The following ARNT variants were observed in gnomAD, a reference collection of about 807,000 sequenced individuals.
ARNT encodes the protein aryl hydrocarbon receptor nuclear translocator.
ARNT carries 30 observed loss-of-function variants against 105.0 expected under a neutral mutation model. The observed-to-expected ratio is 0.29, with a 90% confidence interval of 0.21 to 0.39. ARNT has a LOEUF of 0.39. ARNT is among the 10% of genes least tolerant of loss of function. The pLI is 1.00. For missense variants in ARNT, 748 were observed against 978.7 expected (o/e 0.76, Z 3.15); for synonymous variants, 304 against 344.0 (o/e 0.88, Z 1.29).
intron 18 of ARNT, 145 bp downstream of exon 18, chr1:150,816,643 A>G: frequency 9.9e-7 from 1 of 1,009,474 alleles, no homozygotes; most frequent in East Asian, 2.7e-5. Context: ...GAGGAAGAAA[A>G]GCAGCTTGTT....
chr1:150,826,883 G>C (rs1426643351), intron 12 of ARNT, among the ~76,000 whole-genome samples: 2 of 151,988 alleles, frequency 1.3e-5, no homozygotes, highest in African/African-American at 2.4e-5. Flanking sequence ...CTGACCTCAA[G>C]TGATCCACCC....
At chr1:150,820,963 A>T (rs974525020) in intron 14 of ARNT, among the ~76,000 whole-genome samples, 7 of 152,244 alleles carry the variant, frequency 4.6e-5, no homozygotes, top group African/African-American at 1.7e-4. Context: ...CGTTACTACT[A>T]ATAGCCTACT....
intron 21 of ARNT, 102 bp downstream of exon 21, chr1:150,813,070 A>G: frequency 1.5e-6 from 2 of 1,357,176 alleles, no homozygotes; most frequent in Non-Finnish European, 2.0e-6. Context: ...TATACCCCCA[A>G]CCAAACACCT....
At chr1:150,830,081 A>C (rs751597630) in intron 10 of ARNT, 101 bp from the exon 11 acceptor site, 3 of 1,349,080 alleles carry the variant, frequency 2.2e-6, no homozygotes, top group Non-Finnish European at 3.1e-6. Flanking sequence ...TTTATGGGCC[A>C]GGCACCGTGG....
At chr1:150,839,292 A>G in intron 6 of ARNT, 149 bp downstream of exon 6, 3 of 689,444 alleles carry the variant, frequency 4.4e-6, no homozygotes. Flanking sequence ...CATTGTCCCA[A>G]TGCTAATTAA....
chr1:150,809,836 CA>C lies in ARNT; in HGVS notation c.*2184del. The stretch of plus-strand genomic sequence containing the variant: ...CCAAGAACCCAGGCAACGCCCACCC[CA>C]AAACCCCCACCTCATGGTCAGAGCA... On this transcript the variant is annotated 3_prime_UTR_variant, in exon 22 of 22. Coordinates refer to ENST00000358595, the MANE Select transcript of ARNT (RefSeq NM_001668.4). The C allele has an allele frequency of 4.5e-6, 1 of 222,772 alleles. No individual in the cohort carries two copies. The highest frequency in any genetic ancestry group is 9.0e-6 in the Non-Finnish European group (1 of 111,270). 13.8% of individuals were successfully genotyped at this position (222,772 alleles called of 1,614,324 possible).
chr1:150,823,695 C>T (rs1332801533), intron 13 of ARNT, among the ~76,000 whole-genome samples: 2 of 151,914 alleles, frequency 1.3e-5, no homozygotes, highest in Non-Finnish European at 2.9e-5. Flanking sequence ...GGACTACAGG[C>T]GCGTGCCACC....
intron 15 of ARNT, 61 bp from the exon 16 acceptor site, chr1:150,817,494 T>A (rs1215102620): frequency 6.6e-7 from 1 of 1,517,938 alleles, no homozygotes; most frequent in Admixed American, 1.7e-5. Context: ...TAAAAAAGAA[T>A]CTGGAGAAAG....
intron 2 of ARNT, 102 bp downstream of exon 2, chr1:150,858,247 A>C: frequency 1.2e-6 from 1 of 806,744 alleles, no homozygotes; most frequent in Non-Finnish European, 2.0e-6. Context: ...AGTTGAAGTG[A>C]GATGGTCAGG....
chr1:150,836,936 C>T (rs2101915064), intron 6 of ARNT, among the ~76,000 whole-genome samples: 1 of 152,186 alleles, frequency 6.6e-6, no homozygotes, highest in East Asian at 1.9e-4. Flanking sequence ...TGTGGTGGCA[C>T]ACGCCTGTAG....
In ARNT at chr1:150,817,995, T is replaced by C. The variant is rs587701484; in HGVS notation, c.1430A>G (p.Asn477Ser). 2.4e-5 allele frequency: 38 copies of C among 1,612,748 alleles called. No homozygotes were observed. In the South Asian group the frequency reaches 3.8e-4, roughly 16 times the overall value. The change falls in exon 15 of 22, where the codon AAC (asparagine) becomes AGC (serine). Residue 477 changes from asparagine (N) to serine (S), a missense_variant. This residue lies in a region of ARNT where 360 missense variants were observed against 411.9 expected (regional missense o/e 0.87). Coordinates refer to ENST00000358595, the MANE Select transcript of ARNT (RefSeq NM_001668.4). ...ACCTAGTTGTGGCCTCTGGATTGTG[T>C]TGGAGAGTGTAGGCCGTGGTTCTTG... ...SSQEPRPTLS[N>S]TIQRPQLGPT...
chr1:150,852,963 C>T, intron 2 of ARNT, 157 bp from the exon 3 acceptor site: 1 of 923,406 alleles, frequency 1.1e-6, no homozygotes, highest in Non-Finnish European at 1.7e-6. Context: ...TCCTCTTGTT[C>T]ATAGTCCCAA....
chr1:150,864,484 T>C (rs947664886), intron 1 of ARNT, among the ~76,000 whole-genome samples: 2 of 151,536 alleles, frequency 1.3e-5, no homozygotes, highest in Admixed American at 6.6e-5. Context: ...AAATTGGAAA[T>C]CATCATTCTC....
At chr1:150,817,340 A>G in intron 16 of ARNT, 21 bp downstream of exon 16, 1 of 1,612,582 alleles carries the variant, frequency 6.2e-7, no homozygotes, top group Admixed American at 1.7e-5. Flanking sequence ...TACCCTCTTC[A>G]ACGAAGAGGA....
intron 1 of ARNT, among the ~76,000 whole-genome samples, 156 bp downstream of exon 1, chr1:150,876,387 C>T (rs1007736509): frequency 2.6e-5 from 4 of 152,156 alleles, no homozygotes. Context: ...GGATCGGGCC[C>T]CTCCCCAGGT....
chr1:150,846,067 C>T (rs928861042), intron 4 of ARNT, among the ~76,000 whole-genome samples, 196 bp downstream of exon 4: 9 of 152,002 alleles, frequency 5.9e-5, no homozygotes, highest in Non-Finnish European at 1.0e-4. Flanking sequence ...TAAAATATAC[C>T]GCCAGTTTGA....
intron 3 of ARNT, among the ~76,000 whole-genome samples, chr1:150,850,591 T>G (rs975241471): frequency 6.6e-5 from 10 of 152,234 alleles, no homozygotes; most frequent in Admixed American, 2.0e-4. Context: ...GTGCTCAATG[T>G]TGCCCAGGCT....
intron 6 of ARNT, among the ~76,000 whole-genome samples, chr1:150,837,165 T>G (rs1403803535): frequency 6.6e-6 from 1 of 152,036 alleles, no homozygotes; most frequent in Non-Finnish European, 1.5e-5. Flanking sequence ...TCCCACTTTC[T>G]CTCTTTCCCT....
intron 8 of ARNT, among the ~76,000 whole-genome samples, chr1:150,833,839 G>C (rs1207124849): frequency 2.0e-5 from 3 of 151,580 alleles, no homozygotes; most frequent in Non-Finnish European, 4.4e-5. Flanking sequence ...TTGTAACAGG[G>C]AAAAAGTAGA....
Sources: allele counts gnomAD v4.1 joint callset (sites outside exome capture counted in the v4.1 genomes callset), GRCh38; gene constraint gnomAD v4.1.1; regional missense constraint gnomAD v4.1.1; transcripts MANE v1.5; gene names NCBI Gene and HGNC (gene_info 2026-07-23, HGNC 2026-07-21).